Variants in LSAMP observed in about 807,000 individuals in gnomAD.
LSAMP encodes limbic system-associated membrane protein.
Under a neutral mutation model 38.6 loss-of-function variants are expected in LSAMP, and 7 were observed. The ratio of observed to expected loss-of-function variants is 0.18; its 90% CI spans 0.10 to 0.34. LSAMP has a LOEUF of 0.34. Among genes scored for constraint, LSAMP ranks in the 10% least tolerant of loss-of-function variants. LSAMP has a pLI of 1.00. For synonymous variants in LSAMP, 154 were observed against 166.8 expected (o/e 0.92, Z 0.59); for missense variants, 313 against 420.0 (o/e 0.75, Z 2.23).
intron 6 of LSAMP, among the ~76,000 whole-genome samples, chr3:115,822,008 C>T (rs1934256050): frequency 6.6e-6 from 1 of 152,202 alleles, no homozygotes; most frequent in South Asian, 2.1e-4. Context: ...TCAAGCCACA[C>T]TTTGAAAGCT....
At chr3:116,201,586 C>A (rs1490334245) in intron 1 of LSAMP, among the ~76,000 whole-genome samples, 1 of 152,024 alleles carries the variant, frequency 6.6e-6, no homozygotes, top group Admixed American at 6.6e-5. Context: ...CTTAAAATAG[C>A]CTCAAATCCA....
intron 1 of LSAMP, among the ~76,000 whole-genome samples, chr3:116,411,695 G>T (rs2048980615): frequency 6.7e-6 from 1 of 150,276 alleles, no homozygotes; most frequent in Non-Finnish European, 1.5e-5. Context: ...GTTAATGGGT[G>T]CAGCACACCA....
intron 1 of LSAMP, among the ~76,000 whole-genome samples, chr3:116,240,194 A>C (rs1241689353): frequency 6.6e-6 from 1 of 152,246 alleles, no homozygotes; most frequent in Non-Finnish European, 1.5e-5. Context: ...TGCAACCTAC[A>C]TAATATGAAT....
intron 3 of LSAMP, among the ~76,000 whole-genome samples, chr3:115,999,626 G>A (rs1939929560): frequency 6.6e-6 from 1 of 152,188 alleles, no homozygotes; most frequent in South Asian, 2.1e-4. Context: ...GACATGTGAA[G>A]GAAGCCCTGT....
intron 1 of LSAMP, among the ~76,000 whole-genome samples, chr3:116,122,610 C>T (rs951015509): frequency 7.9e-5 from 12 of 152,196 alleles, no homozygotes; most frequent in Admixed American, 7.9e-4. Flanking sequence ...GTCTGTCTAA[C>T]TCACTTTTGC....
intron 6 of LSAMP, among the ~76,000 whole-genome samples, chr3:115,830,409 CA>C (rs1335806795): frequency 2.0e-5 from 3 of 152,068 alleles, no homozygotes; most frequent in Non-Finnish European, 2.9e-5. Context: ...AATGTATACA[CA>C]AGGGTGATTA....
chr3:116,112,914 T>G (rs545971692), intron 1 of LSAMP, among the ~76,000 whole-genome samples: 1 of 152,302 alleles, frequency 6.6e-6, no homozygotes, highest in South Asian at 2.1e-4. Flanking sequence ...GACAGGAGAT[T>G]GCAAAATATT....
At chr3:116,055,407 T>G (rs2107739150) in intron 2 of LSAMP, among the ~76,000 whole-genome samples, 1 of 152,304 alleles carries the variant, frequency 6.6e-6, no homozygotes, top group Middle Eastern at 3.4e-3. Context: ...GTGTGCATAT[T>G]TAACCTTATT....
intron 1 of LSAMP, among the ~76,000 whole-genome samples, chr3:116,290,393 T>C (rs72947998): frequency 1.2e-3 from 188 of 152,188 alleles, no homozygotes; most frequent in African/African-American, 4.1e-3. Flanking sequence ...AGTTGAAGAA[T>C]TCCCCCCCAT....
chr3:116,181,741 C>T (rs1357740511), intron 1 of LSAMP, among the ~76,000 whole-genome samples: 1 of 151,810 alleles, frequency 6.6e-6, no homozygotes, highest in African/African-American at 2.4e-5. Context: ...ATTCAGATAC[C>T]ACACTCCCAT....
At chr3:116,391,295 GC>G (rs936339388) in intron 1 of LSAMP, among the ~76,000 whole-genome samples, 6 of 144,340 alleles carry the variant, frequency 4.2e-5, no homozygotes, top group South Asian at 4.8e-4. Flanking sequence ...CCTGTGCCCC[GC>G]CCCCCCCGTG....
rs541867765 is a variant in LSAMP at position 116,277,650 on chromosome 3, C to T, written c.155+167227G>A. ...CCTCCCAAAGTGCTGGGATTACAGG[C>T]GTGAGCCACTGCGCCCGGCCTGCTC... On this transcript the variant is annotated intron_variant, in intron 1 of 6. Transcript: ENST00000490035. Among the ~76,000 whole-genome samples, 10 of 152,236 alleles carry T rather than the reference C, an allele frequency of 6.6e-5. No individual in the cohort carries two copies. In the East Asian group the frequency reaches 1.5e-3, roughly 24 times the overall value.
At chr3:115,964,047 C>G (rs1938715008) in intron 3 of LSAMP, among the ~76,000 whole-genome samples, 1 of 152,144 alleles carries the variant, frequency 6.6e-6, no homozygotes, top group African/African-American at 2.4e-5. Context: ...GCCACATCAC[C>G]CAGCCTTCTT....
At chr3:116,198,539 G>C (rs999276868) in intron 1 of LSAMP, among the ~76,000 whole-genome samples, 1 of 152,122 alleles carries the variant, frequency 6.6e-6, no homozygotes, top group African/African-American at 2.4e-5. Context: ...GGAGGCCGAG[G>C]CTGGCGGATC....
chr3:116,227,936 A>G (rs2046360903), intron 1 of LSAMP, among the ~76,000 whole-genome samples: 2 of 152,160 alleles, frequency 1.3e-5, no homozygotes, highest in African/African-American at 4.8e-5. Flanking sequence ...AATATTAACC[A>G]TATACAGGGC....
At chr3:115,902,603 G>A (rs1936904786) in intron 3 of LSAMP, among the ~76,000 whole-genome samples, 1 of 152,068 alleles carries the variant, frequency 6.6e-6, no homozygotes, top group South Asian at 2.1e-4. Context: ...TCTGTCAAAG[G>A]TTTAATATCC....
chr3:116,183,642 C>A (rs1354907034), intron 1 of LSAMP, among the ~76,000 whole-genome samples: 3 of 151,760 alleles, frequency 2.0e-5, no homozygotes, highest in African/African-American at 7.2e-5. Context: ...TTCTGGCATA[C>A]TGTTATTCAA....
intron 3 of LSAMP, among the ~76,000 whole-genome samples, chr3:115,861,169 CCTTCCTTCCTTCCTTCCTT>C (rs1935681515): frequency 5.1e-5 from 6 of 118,328 alleles, no homozygotes; most frequent in Admixed American, 2.3e-4. Context: ...TTCCTTCCTT[CCTTCCTTCCTTCCTTCCTT>C]CCTTCCTTCC....
intron 1 of LSAMP, among the ~76,000 whole-genome samples, chr3:116,292,242 T>C (rs1167531482): frequency 3.3e-5 from 5 of 152,112 alleles, no homozygotes; most frequent in Non-Finnish European, 7.4e-5. Flanking sequence ...ATATTAACAG[T>C]CCGTGCATCA....
Sources: gnomAD v4.1 joint callset for allele counts (sites outside exome capture counted in the v4.1 genomes callset) on GRCh38, gnomAD v4.1.1 for gene constraint, MANE v1.5 for transcripts, NCBI Gene and HGNC (gene_info 2026-07-23, HGNC 2026-07-21) for gene names.